DLG1: variants seen among roughly 807,000 people sequenced by gnomAD.
The protein encoded by DLG1 is disks large homolog 1.
A neutral mutation model predicts 123.4 loss-of-function variants in DLG1; 42 were observed. The ratio of observed to expected loss-of-function variants is 0.34; its 90% confidence interval spans 0.27 to 0.44. The LOEUF (loss-of-function observed/expected upper bound fraction) is 0.44, where lower values mean the gene tolerates loss of function less well. Ranked by LOEUF, DLG1 falls within the 20% of genes least tolerant of loss-of-function variation. The pLI is 1.00. For synonymous variants in DLG1, 317 were observed against 356.2 expected, an observed-to-expected ratio of 0.89 and a Z score of 1.24; for missense variants, 942 against 1,082.6, an observed-to-expected ratio of 0.87 and a Z score of 1.82.
chr3:197,214,767 T>TA (rs1050939697), intron 4 of DLG1, among the ~76,000 whole-genome samples: 153 of 152,116 alleles, frequency 1.0e-3, no homozygotes, highest in African/African-American at 3.4e-3. Context: ...AATCAATTTT[T>TA]AAAAAACGAA....
rs1778577620 is a variant in DLG1 at position 197,298,557 on chromosome 3, T to C, written c.-53A>G. 5 of 398,076 alleles carry C rather than the reference T, an allele frequency of 1.3e-5. No homozygotes were observed. The East Asian group carries it at 1.8e-4, about 14-fold the overall frequency. 24.7% of individuals were successfully genotyped at this position (398,076 alleles called of 1,614,324 possible). On this transcript the variant is annotated 5_prime_UTR_variant, in exon 1 of 25. Transcript: ENST00000667157. Reference sequence around the variant, plus strand: ...ATACCGAGACACCCCTCAACCTCACTCAGCAGTGCCGTTTCCAACTCCGCG... The same window carrying C: ...ATACCGAGACACCCCTCAACCTCACCCAGCAGTGCCGTTTCCAACTCCGCG...
At chr3:197,283,418 G>A (rs1321006288) in intron 3 of DLG1, among the ~76,000 whole-genome samples, 2 of 152,072 alleles carry the variant, frequency 1.3e-5, no homozygotes, top group African/African-American at 4.8e-5. Context: ...ATATCCTCTA[G>A]TCTGAATATT....
At chr3:197,103,355 C>T (rs1227237034) in intron 14 of DLG1, among the ~76,000 whole-genome samples, 2 of 151,980 alleles carry the variant, frequency 1.3e-5, no homozygotes, top group African/African-American at 4.8e-5. Flanking sequence ...CGTAACCATA[C>T]CTAAAAAGTT....
intron 4 of DLG1, among the ~76,000 whole-genome samples, chr3:197,275,881 AAT>A (rs1160025665): frequency 6.6e-6 from 1 of 152,244 alleles, no homozygotes. Context: ...GAAAATCTGG[AAT>A]ATTCTCAACA....
chr3:197,116,277 T>C (rs1418162935), intron 12 of DLG1, among the ~76,000 whole-genome samples, 194 bp from the exon 13 acceptor site: 2 of 151,908 alleles, frequency 1.3e-5, no homozygotes, highest in Non-Finnish European at 2.9e-5. Flanking sequence ...TCTAATTTTA[T>C]ATAAAAGCAA....
intron 11 of DLG1, among the ~76,000 whole-genome samples, chr3:197,123,532 GAATA>G (rs1360748799): frequency 1.3e-5 from 2 of 152,042 alleles, no homozygotes; most frequent in African/African-American, 2.4e-5. Flanking sequence ...AGCAATAAAT[GAATA>G]AATAATAATC....
chr3:197,079,983 T>C (rs1473623827), intron 17 of DLG1, among the ~76,000 whole-genome samples: 3 of 151,934 alleles, frequency 2.0e-5, no homozygotes, highest in South Asian at 4.1e-4. Context: ...AGAAGACTTA[T>C]AAAAATTTTG....
chr3:197,073,556 A>C (rs905230151), intron 18 of DLG1, among the ~76,000 whole-genome samples: 1 of 152,174 alleles, frequency 6.6e-6, no homozygotes, highest in Non-Finnish European at 1.5e-5. Context: ...GCATTCTCCC[A>C]AACTTCCATT....
chr3:197,187,076 A>C (rs1716514958), intron 5 of DLG1, among the ~76,000 whole-genome samples: 1 of 152,232 alleles, frequency 6.6e-6, no homozygotes, highest in Non-Finnish European at 1.5e-5. Flanking sequence ...GAGATAAGAC[A>C]AGACTGAGAA....
chr3:197,150,646 A>G (rs1213742114), intron 5 of DLG1, among the ~76,000 whole-genome samples: 5 of 152,150 alleles, frequency 3.3e-5, no homozygotes, highest in African/African-American at 1.2e-4. Context: ...ATATGCTTAC[A>G]CACATTAATG....
At chr3:197,176,779 T>C (rs1577551567) in intron 5 of DLG1, among the ~76,000 whole-genome samples, 1 of 152,092 alleles carries the variant, frequency 6.6e-6, no homozygotes, top group Non-Finnish European at 1.5e-5. Context: ...GTACAGGTTT[T>C]TGGGTGGATG....
chr3:197,045,145 A>G (rs1253709155), intron 24 of DLG1, among the ~76,000 whole-genome samples: 5 of 151,770 alleles, frequency 3.3e-5, no homozygotes, highest in Non-Finnish European at 5.9e-5. Flanking sequence ...GGGGGAAAAG[A>G]GCTGATTACA....
intron 4 of DLG1, among the ~76,000 whole-genome samples, chr3:197,268,326 C>G (rs1010299904): frequency 2.6e-5 from 4 of 152,204 alleles, no homozygotes; most frequent in Non-Finnish European, 4.4e-5. Context: ...CATAGCCTTT[C>G]ATTTTCTCAG....
At chr3:197,147,658 T>C (rs1404347151) in intron 6 of DLG1, among the ~76,000 whole-genome samples, 1 of 152,030 alleles carries the variant, frequency 6.6e-6, no homozygotes, top group East Asian at 1.9e-4. Flanking sequence ...CATTGGCATT[T>C]GGGGACTCGG....
intron 4 of DLG1, among the ~76,000 whole-genome samples, chr3:197,258,727 C>T (rs1758002448): frequency 6.6e-6 from 1 of 152,168 alleles, no homozygotes; most frequent in African/African-American, 2.4e-5. Context: ...GTACACACCG[C>T]AGCCTTTAGT....
Position 197,148,245 on chromosome 3 carries a change from C to CAAAAAAA in DLG1, c.537+1491_537+1497dup, listed in dbSNP as rs1300222676. 5.8e-4 allele frequency among the ~76,000 whole-genome samples: 25 copies of CAAAAAAA among 43,284 alleles called. 1 individual carries two copies. Among genetic ancestry groups the CAAAAAAA allele is most frequent in the Non-Finnish European group, 7.0e-4 (19 of 27,336 alleles). The allele number at this position is 43,284 out of a possible 152,430, so 28.4% of individuals were successfully genotyped here. A position where few individuals can be genotyped will look rare whatever the true frequency, so the allele number is the denominator to read the frequency against. On this transcript the variant is annotated intron_variant, in intron 6 of 24. Transcript: ENST00000667157. The stretch of plus-strand genomic sequence containing the variant: ...TAAAACCCCATCTCTACCAAAAATA[C>CAAAAAAA]AAAAAAAAAAAAAAAATAGCCAGTC...
intron 4 of DLG1, among the ~76,000 whole-genome samples, chr3:197,238,310 C>T (rs1747069138): frequency 6.6e-6 from 1 of 152,148 alleles, no homozygotes; most frequent in African/African-American, 2.4e-5. Flanking sequence ...GAGATGCCAA[C>T]ATCAAGACAC....
chr3:197,180,211 G>A (rs960245223), intron 5 of DLG1, among the ~76,000 whole-genome samples: 19 of 152,174 alleles, frequency 1.2e-4, no homozygotes, highest in Non-Finnish European at 1.8e-4. Context: ...GATTACTACT[G>A]ACATTAATAA....
At chr3:197,113,671 T>C (rs1322197509) in intron 13 of DLG1, among the ~76,000 whole-genome samples, 2 of 152,114 alleles carry the variant, frequency 1.3e-5, no homozygotes, top group Non-Finnish European at 2.9e-5. Flanking sequence ...TAGTTTGGTC[T>C]TGCTTTTTTG....
Sources: allele counts gnomAD v4.1 joint callset (sites outside exome capture counted in the v4.1 genomes callset), GRCh38; gene constraint gnomAD v4.1.1; transcripts MANE v1.5; gene names NCBI Gene and HGNC (gene_info 2026-07-23, HGNC 2026-07-21).